Variants in IQSEC1 observed in about 807,000 individuals in gnomAD.
IQSEC1 encodes IQ motif and SEC7 domain-containing protein 1.
In IQSEC1, 31 loss-of-function variants were observed where a neutral mutation model predicts 91.0. The observed-to-expected ratio is 0.34, with a 90% CI of 0.26 to 0.46. IQSEC1 has a LOEUF of 0.46. Ranked by LOEUF, IQSEC1 falls within the 20% of genes least tolerant of loss-of-function variation. IQSEC1 has a pLI of 1.00. For missense variants in IQSEC1, 1,388 were observed against 1,575.6 expected, an observed-to-expected ratio of 0.88 and a Z score of 2.02; for synonymous variants, 699 against 662.6, an observed-to-expected ratio of 1.05 and a Z score of -0.84.
At chr3:13,273,688 T>C (rs1450080079) in intron 1 of IQSEC1, among the ~76,000 whole-genome samples, 3 of 152,148 alleles carry the variant, frequency 2.0e-5, no homozygotes, top group Non-Finnish European at 4.4e-5. Flanking sequence ...CTGGTACCCA[T>C]GCCTGCCCCA....
At chr3:13,054,941 G>A (rs1386762236) in intron 1 of IQSEC1, among the ~76,000 whole-genome samples, 1 of 152,200 alleles carries the variant, frequency 6.6e-6, no homozygotes, top group African/African-American at 2.4e-5. Context: ...GCTGACGGCT[G>A]GAGGCACCTC....
chr3:12,989,896 C>G (rs1015654047), intron 1 of IQSEC1, among the ~76,000 whole-genome samples: 2 of 152,190 alleles, frequency 1.3e-5, no homozygotes, highest in Non-Finnish European at 2.9e-5. Flanking sequence ...GAGTCCGGCT[C>G]TCTGACCTAA....
chr3:12,991,501 C>G (rs989082308), intron 1 of IQSEC1, among the ~76,000 whole-genome samples: 2 of 152,168 alleles, frequency 1.3e-5, no homozygotes, highest in Non-Finnish European at 2.9e-5. Context: ...TGAGAAACAC[C>G]TCTTGATAGG....
chr3:12,941,160 T>C (rs2125350791), intron 2 of IQSEC1, among the ~76,000 whole-genome samples: 1 of 152,282 alleles, frequency 6.6e-6, no homozygotes, highest in East Asian at 1.9e-4. Flanking sequence ...CCCTCAGCCC[T>C]CTCCTGGGTC....
At chr3:12,975,131 G>T (rs963230605) in intron 1 of IQSEC1, among the ~76,000 whole-genome samples, 9 of 152,260 alleles carry the variant, frequency 5.9e-5, no homozygotes, top group Admixed American at 3.9e-4. Flanking sequence ...CCTAGCCAGG[G>T]CCAGGCACAC....
intron 1 of IQSEC1, among the ~76,000 whole-genome samples, chr3:13,261,769 G>A (rs563859685): frequency 1.1e-4 from 16 of 152,272 alleles, no homozygotes; most frequent in Non-Finnish European, 2.2e-4. Context: ...ATTCACCCAT[G>A]AAATTCACAC....
chr3:13,088,700 AC>A (rs557851091), intron 2 of IQSEC1, among the ~76,000 whole-genome samples: 217 of 151,876 alleles, frequency 1.4e-3, no homozygotes, highest in African/African-American at 5.0e-3. Context: ...GCCCTGCTTT[AC>A]CCCCTGGGCC....
intron 1 of IQSEC1, among the ~76,000 whole-genome samples, chr3:13,062,659 G>A (rs1705106452): frequency 6.6e-6 from 1 of 152,178 alleles, no homozygotes; most frequent in Non-Finnish European, 1.5e-5. Context: ...ACCCGAACAA[G>A]GAAGGGGGTT....
chr3:13,095,727 G>A (rs1705943496), intron 2 of IQSEC1, among the ~76,000 whole-genome samples: 1 of 152,154 alleles, frequency 6.6e-6, no homozygotes, highest in East Asian at 1.9e-4. Context: ...CGCCTGTCGG[G>A]ACGGGCAATT....
At chr3:13,052,889 A>T in intron 1 of IQSEC1, 1 of 748,750 alleles carries the variant, frequency 1.3e-6, no homozygotes, top group South Asian at 1.4e-5. Flanking sequence ...GATAGTGGTG[A>T]CATTTTCTGC....
At chr3:12,902,658 C>G in intron 13 of IQSEC1, 115 bp downstream of exon 13, 1 of 268,412 alleles carries the variant, frequency 3.7e-6, no homozygotes, top group Non-Finnish European at 6.9e-6. Flanking sequence ...AAAAAAACAA[C>G]AAAAAAAAAA....
Position 12,972,505 on chromosome 3 carries a change from A to G in IQSEC1, c.24-30640T>C, listed in dbSNP as rs574002133. 5.3e-5 allele frequency among the ~76,000 whole-genome samples: 8 copies of G among 152,332 alleles called. No homozygotes were observed. In the East Asian group the frequency reaches 1.2e-3, roughly 22 times the overall value. On this transcript the variant is annotated intron_variant, in intron 1 of 13. Transcript: ENST00000613206. Reference sequence around the variant, plus strand: ...GTCTTACTGACAACCACAAAAATCGATAAGACTGGTGGTGTAGCACATTTT... The same window carrying G: ...GTCTTACTGACAACCACAAAAATCGGTAAGACTGGTGGTGTAGCACATTTT...
Position 13,039,735 on chromosome 3 carries a change from G to A in IQSEC1, c.23+33257C>T, listed in dbSNP as rs373284103. Among the ~76,000 whole-genome samples the A allele has an allele frequency of 3.5e-4, 53 of 152,316 alleles. 2 individuals carry two copies. In the South Asian group the frequency reaches 8.1e-3, roughly 23 times the overall value. ...TGCCACAGCGAGGTCTGACCACAAA[G>A]TCTGAGTTCTTGCCCACCTGGCTGA... is the stretch of plus-strand genomic sequence containing the variant. On this transcript the variant is annotated intron_variant, in intron 1 of 13. Coordinates refer to ENST00000613206, the MANE Select transcript of IQSEC1 (RefSeq NM_001134382.3).
chr3:13,067,141 C>T (rs1200313207), intron 1 of IQSEC1, among the ~76,000 whole-genome samples: 1 of 152,146 alleles, frequency 6.6e-6, no homozygotes, highest in African/African-American at 2.4e-5. Flanking sequence ...CCCAGGTGGG[C>T]CAGGGCCTCA....
At chr3:13,044,523 C>T (rs370567803) in intron 1 of IQSEC1, among the ~76,000 whole-genome samples, 181 of 152,318 alleles carry the variant, frequency 1.2e-3, no homozygotes, top group South Asian at 7.5e-3. Flanking sequence ...TAAAGGGGGA[C>T]ACCCAGTGTC....
intron 8 of IQSEC1, among the ~76,000 whole-genome samples, chr3:12,914,746 C>T (rs1008930625): frequency 2.0e-5 from 3 of 152,046 alleles, no homozygotes; most frequent in Non-Finnish European, 4.4e-5. Context: ...AGGAGGCAGG[C>T]ACTGGGAGAG....
intron 2 of IQSEC1, among the ~76,000 whole-genome samples, chr3:13,081,431 G>C (rs1409376769): frequency 6.6e-6 from 1 of 151,998 alleles, no homozygotes; most frequent in Non-Finnish European, 1.5e-5. Context: ...ACTACATCTG[G>C]CTAATTTTTA....
chr3:13,239,602 C>A (rs1694985942), intron 1 of IQSEC1, among the ~76,000 whole-genome samples: 1 of 152,240 alleles, frequency 6.6e-6, no homozygotes, highest in African/African-American at 2.4e-5. Flanking sequence ...AGCAAGGAAC[C>A]TAGATGGTCC....
In IQSEC1 at chr3:13,106,541, T is replaced by C. The variant is rs370977411; in HGVS notation, c.302+57563A>G. Among the ~76,000 whole-genome samples the C allele has an allele frequency of 3.9e-5, 6 of 152,312 alleles. No individual in the cohort carries two copies. The East Asian group carries it at 9.6e-4, about 24-fold the overall frequency. On this transcript the variant is annotated intron_variant, in intron 2 of 15. Transcript: ENST00000648114. ...GCCAAGTGACATGCCCCGAATCACATAGGAGTAGGAGACAGAGAAGACTTA... is the reference window on the plus strand; with the variant it reads ...GCCAAGTGACATGCCCCGAATCACACAGGAGTAGGAGACAGAGAAGACTTA...
Sources: allele counts gnomAD v4.1 joint callset (sites outside exome capture counted in the v4.1 genomes callset), GRCh38; gene constraint gnomAD v4.1.1; transcripts MANE v1.5; gene names NCBI Gene and HGNC (gene_info 2026-07-23, HGNC 2026-07-21).